Variants in NPAS2 observed in about 807,000 individuals in gnomAD.
The protein encoded by NPAS2 is neuronal PAS domain-containing protein 2.
Under a neutral mutation model 107.5 loss-of-function variants are expected in NPAS2, and 23 were observed. That is an observed-to-expected ratio of 0.21 (90% confidence interval 0.15 to 0.30). The LOEUF (loss-of-function observed/expected upper bound fraction) is 0.30. Among genes scored for constraint, NPAS2 ranks in the 10% least tolerant of loss-of-function variants. The pLI is 1.00. For synonymous variants in NPAS2, 403 were observed against 417.5 expected (o/e 0.97, Z 0.42); for missense variants, 756 against 1,043.3 (o/e 0.72, Z 3.79).
At chr2:100,948,705 T>C (rs1267182004) in intron 6 of NPAS2, among the ~76,000 whole-genome samples, 1 of 152,230 alleles carries the variant, frequency 6.6e-6, no homozygotes, top group Non-Finnish European at 1.5e-5. Flanking sequence ...GATACTAAGA[T>C]ACTAAATTCA....
At position 100,964,246 on chromosome 2, in the gene NPAS2, A is replaced by G. The variant is rs1676083142; in HGVS notation, c.717+70A>G. 12 of 1,039,058 alleles carry G rather than the reference A, an allele frequency of 1.2e-5. No homozygotes were observed. The South Asian group carries it at 1.6e-4, about 13-fold the overall frequency. The allele number at this position is 1,039,058 out of a possible 1,614,324, so 64.4% of individuals were successfully genotyped here. On this transcript the variant is annotated intron_variant, in intron 8 of 20. Coordinates refer to ENST00000335681, the MANE Select transcript of NPAS2 (RefSeq NM_002518.4). ...GACTCACATTTTGTTATATGTAATT[A>G]ATGGTCTTTTGGGAGGGAATAAATT...
intron 1 of NPAS2, among the ~76,000 whole-genome samples, chr2:100,880,277 C>A (rs1034413675): frequency 2.0e-5 from 3 of 152,090 alleles, no homozygotes; most frequent in African/African-American, 4.8e-5. Flanking sequence ...TTGGTCTATA[C>A]CCAAGAGAAA....
intron 1 of NPAS2, among the ~76,000 whole-genome samples, chr2:100,898,415 C>T (rs921970145): frequency 6.6e-6 from 1 of 152,122 alleles, no homozygotes; most frequent in Non-Finnish European, 1.5e-5. Flanking sequence ...TGTGCAACGA[C>T]TTAGAATGGC....
chr2:100,974,855 G>C lies in NPAS2; in HGVS notation c.1193G>C (p.Gly398Ala). 6.2e-7 allele frequency: 1 copy of C among 1,614,110 alleles called. No homozygotes were observed. The highest frequency in any genetic ancestry group is 8.5e-7 in the Non-Finnish European group (1 of 1,179,982). The change falls in exon 13 of 21, where the codon GGT (glycine) becomes GCT (alanine). Residue 398 changes from glycine (G) to alanine (A), a missense_variant. Around this residue, in one of 4 missense-constraint regions of NPAS2, gnomAD observed 496 missense variants for 594.4 expected, o/e 0.83. Transcript: ENST00000335681. Reference sequence around the variant, plus strand: ...CAGCACTTTAACACACTCGACGTGGGTGCCTCGGGCCTTAATACCAGTCAT... The same window carrying C: ...CAGCACTTTAACACACTCGACGTGGCTGCCTCGGGCCTTAATACCAGTCAT... ...PRQHFNTLDVGASGLNTSHSP... is the reference protein window; with the variant it reads ...PRQHFNTLDVAASGLNTSHSP...
At chr2:100,891,115 C>G (rs192030938) in intron 1 of NPAS2, among the ~76,000 whole-genome samples, 1,537 of 152,050 alleles carry the variant, frequency 0.01, 29 homozygotes, top group African/African-American at 0.035. Context: ...GCCTGTAGTC[C>G]CAGCTACTCG....
At chr2:100,896,111 G>C (rs1681395710) in intron 1 of NPAS2, among the ~76,000 whole-genome samples, 3 of 152,192 alleles carry the variant, frequency 2.0e-5, no homozygotes, top group Admixed American at 2.0e-4. Context: ...TGTGCCCCAG[G>C]CATCATGCTG....
At chr2:100,890,970 C>T (rs113886108) in intron 1 of NPAS2, among the ~76,000 whole-genome samples, 10 of 152,014 alleles carry the variant, frequency 6.6e-5, no homozygotes, top group African/African-American at 1.9e-4. Flanking sequence ...CAGTGGCTCA[C>T]GCCTGTAATC....
intron 12 of NPAS2, among the ~76,000 whole-genome samples, 178 bp from the exon 13 acceptor site, chr2:100,974,625 G>A (rs545975471): frequency 7.6e-4 from 116 of 152,350 alleles, no homozygotes; most frequent in African/African-American, 2.7e-3. Flanking sequence ...CCTCTCTGAG[G>A]CTTTAGGTTA....
At chr2:100,854,805 T>C (rs1477641035) in intron 1 of NPAS2, among the ~76,000 whole-genome samples, 1 of 152,216 alleles carries the variant, frequency 6.6e-6, no homozygotes, top group Non-Finnish European at 1.5e-5. Context: ...CTGCTTCGTT[T>C]GGTGATACCC....
At chr2:100,891,230 T>C (rs1385932185) in intron 1 of NPAS2, among the ~76,000 whole-genome samples, 1 of 136,066 alleles carries the variant, frequency 7.3e-6, no homozygotes, top group East Asian at 2.1e-4. Context: ...AGACTCCATC[T>C]CAAAAAAAAA....
At chr2:100,908,744 C>A (rs988175934) in intron 2 of NPAS2, among the ~76,000 whole-genome samples, 21 of 152,310 alleles carry the variant, frequency 1.4e-4, no homozygotes, top group African/African-American at 5.1e-4. Context: ...ATGACCTCCT[C>A]TCTCCAGTCA....
chr2:100,954,102 G>A (rs1675406965), intron 7 of NPAS2, among the ~76,000 whole-genome samples: 1 of 152,164 alleles, frequency 6.6e-6, no homozygotes, highest in African/African-American at 2.4e-5. Context: ...AGAGAGAGTA[G>A]TATGAATAAG....
At chr2:100,884,953 A>T (rs999930100) in intron 1 of NPAS2, among the ~76,000 whole-genome samples, 14 of 146,102 alleles carry the variant, frequency 9.6e-5, no homozygotes, top group South Asian at 2.2e-4. Flanking sequence ...TATATATATA[A>T]TTTTTTTTTT....
At chr2:100,874,238 G>A (rs1410067849) in intron 1 of NPAS2, among the ~76,000 whole-genome samples, 2 of 152,006 alleles carry the variant, frequency 1.3e-5, no homozygotes, top group African/African-American at 4.8e-5. Flanking sequence ...GCCTGCCTCG[G>A]CCTCCCAAAG....
At chr2:100,838,116 CT>C (rs1228651234) in intron 1 of NPAS2, among the ~76,000 whole-genome samples, 2 of 151,344 alleles carry the variant, frequency 1.3e-5, no homozygotes, top group Non-Finnish European at 2.9e-5. Flanking sequence ...GTGATTGTAG[CT>C]GTGACATCAG....
At chr2:100,988,453 T>G in intron 17 of NPAS2, 177 bp downstream of exon 17, 1 of 601,208 alleles carries the variant, frequency 1.7e-6, no homozygotes, top group East Asian at 2.8e-5. Context: ...TAAAGTCACT[T>G]TGAAACCCCA....
intron 1 of NPAS2, among the ~76,000 whole-genome samples, chr2:100,839,705 G>C (rs1677275936): frequency 6.6e-6 from 1 of 152,194 alleles, no homozygotes; most frequent in Non-Finnish European, 1.5e-5. Flanking sequence ...CCCCTGCATT[G>C]TTCAAGAGTC....
chr2:100,950,496 G>C (rs1208148088), intron 7 of NPAS2, among the ~76,000 whole-genome samples: 1 of 152,012 alleles, frequency 6.6e-6, no homozygotes, highest in African/African-American at 2.4e-5. Flanking sequence ...TTTGTCCCAG[G>C]GTTTCTATTA....
At chr2:100,887,460 G>A (rs965111169) in intron 1 of NPAS2, among the ~76,000 whole-genome samples, 48 of 152,196 alleles carry the variant, frequency 3.2e-4, no homozygotes, top group Admixed American at 2.6e-3. Context: ...AGTGGCTGAC[G>A]GAGAGGTGAG....
Sources: allele counts gnomAD v4.1 joint callset (sites outside exome capture counted in the v4.1 genomes callset), GRCh38; gene constraint gnomAD v4.1.1; regional missense constraint gnomAD v4.1.1; transcripts MANE v1.5; gene names NCBI Gene and HGNC (gene_info 2026-07-23, HGNC 2026-07-21).